FLT4: variants seen among roughly 807,000 people sequenced by gnomAD.
The protein encoded by FLT4 is vascular endothelial growth factor receptor 3.
In FLT4, 30 loss-of-function variants were observed where a neutral mutation model predicts 163.2. The observed-to-expected ratio is 0.18, with a 90% CI of 0.14 to 0.25. The LOEUF is 0.25. Ranked by LOEUF, FLT4 falls within the 10% of genes least tolerant of loss-of-function variation. The pLI, the probability that FLT4 is intolerant of heterozygous loss-of-function variation, is 1.00. For missense variants in FLT4, 1,510 were observed against 1,863.8 expected (o/e 0.81, Z 3.50); for synonymous variants, 884 against 789.5 (o/e 1.12, Z -2.01).
chr5:180,622,637 TG>T, intron 12 of FLT4, 93 bp downstream of exon 12: 1 of 771,398 alleles, frequency 1.3e-6, no homozygotes, highest in South Asian at 1.4e-5. Context: ...ATCTCTCTCC[TG>T]GGTGTCCCAA....
chr5:180,608,800 T>C (rs1761951875), intron 29 of FLT4, among the ~76,000 whole-genome samples, 168 bp downstream of exon 29: 1 of 152,070 alleles, frequency 6.6e-6, no homozygotes, highest in African/African-American at 2.4e-5. Flanking sequence ...CCCGCGGTGC[T>C]GTAGGTCAGG....
chr5:180,623,054 G>C lies in FLT4; in HGVS notation c.1549-215C>G, dbSNP rs1271092423. Among the ~76,000 whole-genome samples, 1 of 152,184 alleles carries C rather than the reference G, an allele frequency of 6.6e-6. No homozygotes were observed. The highest frequency in any genetic ancestry group is 1.5e-5 in the Non-Finnish European group (1 of 68,030). On this transcript the variant is annotated intron_variant, in intron 11 of 29. Coordinates refer to ENST00000261937, the MANE Select transcript of FLT4 (RefSeq NM_182925.5). This position sits in a 1 kb window ranked among gnomAD's most constrained non-coding sequence, Gnocchi z 5.8. ...CAGAGAGAGGTAGCTGCCCAGAAAA[G>C]TCAAGGGACAGTGTATGGACTGCTG...
intron 1 of FLT4, among the ~76,000 whole-genome samples, chr5:180,646,007 G>A (rs1765473746): frequency 6.6e-6 from 1 of 152,146 alleles, no homozygotes; most frequent in African/African-American, 2.4e-5. Context: ...TACGGCAGCA[G>A]GAGGGGAGTA....
chr5:180,616,551 C>T, intron 22 of FLT4, 62 bp from the exon 23 acceptor site: 1 of 1,597,596 alleles, frequency 6.3e-7, no homozygotes. Context: ...ATACCCACAC[C>T]CGAAACTCCA....
Position 180,642,207 on chromosome 5 carries a change from A to G in FLT4, c.58+7281T>C, listed in dbSNP as rs532715691. 5.1e-3 allele frequency among the ~76,000 whole-genome samples: 578 copies of G among 112,684 alleles called. 5 individuals carry two copies. Among genetic ancestry groups the G allele is most frequent in the Non-Finnish European group, 5.9e-3 (296 of 50,056 alleles). 73.9% of individuals were successfully genotyped at this position (112,684 alleles called of 152,430 possible). A position where few individuals can be genotyped will look rare whatever the true frequency, so the allele number is the denominator to read the frequency against. On this transcript the variant is annotated intron_variant, in intron 1 of 29. Coordinates refer to ENST00000261937, the MANE Select transcript of FLT4 (RefSeq NM_182925.5). ...GGGCGACAGAGTGAGACTCTGTGTG[A>G]AAAAAAAAAAAAAAAGAATAAGCTG...
intron 7 of FLT4, 126 bp from the exon 8 acceptor site, chr5:180,629,125 C>T (rs1763883150): frequency 1.5e-5 from 22 of 1,450,578 alleles, no homozygotes; most frequent in South Asian, 1.0e-4. Flanking sequence ...CCATGCCGCC[C>T]GGTGCAGGAG....
At chr5:180,648,832 G>T (rs570888858) in intron 1 of FLT4, among the ~76,000 whole-genome samples, 1 of 152,184 alleles carries the variant, frequency 6.6e-6, no homozygotes, top group East Asian at 1.9e-4. Flanking sequence ...CTCAAATCCG[G>T]GGACCCCTGG....
At position 180,618,930 on chromosome 5, in the gene FLT4, C is replaced by G. The variant is rs1762891221; in HGVS notation, c.2851-10G>C. On this transcript the variant is annotated splice_polypyrimidine_tract_variant and intron_variant, in intron 20 of 29. Coordinates refer to ENST00000261937, the MANE Select transcript of FLT4 (RefSeq NM_182925.5). ...GCTCGGGAGACTTCTCCTGCGGATGCACGAAGCTGGCTCGAGGGCGCCCAG... is the reference window on the plus strand; with the variant it reads ...GCTCGGGAGACTTCTCCTGCGGATGGACGAAGCTGGCTCGAGGGCGCCCAG... 2 of 1,581,112 alleles carry G rather than the reference C, an allele frequency of 1.3e-6. No homozygotes were observed. The highest frequency in any genetic ancestry group is 1.1e-5 in the South Asian group (1 of 86,992).
chr5:180,617,045 A>G, intron 21 of FLT4, 51 bp from the exon 22 acceptor site: 1 of 1,337,750 alleles, frequency 7.5e-7, no homozygotes, highest in Non-Finnish European at 1.1e-6. Flanking sequence ...CGCGGCCTCC[A>G]TCTACCCAGC....
chr5:180,632,823 G>A (rs1306714784), intron 1 of FLT4, among the ~76,000 whole-genome samples: 1 of 152,116 alleles, frequency 6.6e-6, no homozygotes. Flanking sequence ...GGTGTGGGTG[G>A]GAGCAGGCCC....
chr5:180,609,782 T>G (rs1762029716), intron 28 of FLT4, 123 bp downstream of exon 28: 14 of 1,235,126 alleles, frequency 1.1e-5, no homozygotes, highest in Non-Finnish European at 1.7e-5. Flanking sequence ...CACCCTGGAC[T>G]TGCACTTTCA....
intron 27 of FLT4, among the ~76,000 whole-genome samples, 196 bp downstream of exon 27, chr5:180,611,135 C>T (rs910332858): frequency 1.3e-5 from 2 of 152,218 alleles, no homozygotes; most frequent in African/African-American, 4.8e-5. Context: ...GACTCAAAAA[C>T]AAGCACGCAG....
chr5:180,606,826 A>T (rs1761811436), intron 29 of FLT4, among the ~76,000 whole-genome samples: 1 of 151,110 alleles, frequency 6.6e-6, no homozygotes, highest in African/African-American at 2.4e-5. Flanking sequence ...TGGGAGGCTG[A>T]GGGCAGATCA....
intron 12 of FLT4, among the ~76,000 whole-genome samples, chr5:180,622,258 C>T (rs943847535): frequency 1.2e-4 from 18 of 152,228 alleles, no homozygotes; most frequent in Non-Finnish European, 2.2e-4. Context: ...TTCTTTTGGG[C>T]TCCATCTCTC....
In FLT4 at chr5:180,623,844, G is replaced by A. The variant is rs1763369644; in HGVS notation, c.1548+91C>T. On this transcript the variant is annotated intron_variant, in intron 11 of 29. Coordinates refer to ENST00000261937, the MANE Select transcript of FLT4 (RefSeq NM_182925.5). The surrounding 1 kb of genome is among the most constrained non-coding windows in gnomAD (Gnocchi z 5.8). The stretch of plus-strand genomic sequence containing the variant: ...TCTCGGCTGCTCTGCCCAGCACTCT[G>A]GAAGCCAGGTGGAAACCACATGGCA... The A allele has an allele frequency of 1.3e-6, 2 of 1,546,904 alleles. No individual in the cohort carries two copies. Among genetic ancestry groups the A allele is most frequent in the Non-Finnish European group, 1.8e-6 (2 of 1,123,150 alleles).
At chr5:180,640,094 G>A (rs1375192112) in intron 1 of FLT4, among the ~76,000 whole-genome samples, 1 of 152,212 alleles carries the variant, frequency 6.6e-6, no homozygotes. Context: ...TGGCGGGCGT[G>A]GGAGCAGCAC....
chr5:180,618,403 C>T (rs1255676566), intron 21 of FLT4, among the ~76,000 whole-genome samples: 5 of 130,282 alleles, frequency 3.8e-5, no homozygotes, highest in Non-Finnish European at 8.5e-5. Context: ...TCTCCTGCTC[C>T]TCAGCCTCTG....
chr5:180,612,898 C>T (rs1762324022), intron 25 of FLT4, 113 bp downstream of exon 25: 1 of 791,094 alleles, frequency 1.3e-6, no homozygotes, highest in South Asian at 1.6e-5. Context: ...AGGGTGGTGC[C>T]CAGGCCTGTC....
intron 27 of FLT4, 70 bp downstream of exon 27, chr5:180,611,261 A>T: frequency 3.2e-6 from 5 of 1,563,684 alleles, no homozygotes; most frequent in Non-Finnish European, 4.4e-6. Flanking sequence ...CCGATGACGC[A>T]GAGGGATAAA....
Sources: gnomAD v4.1 joint callset for allele counts (sites outside exome capture counted in the v4.1 genomes callset) on GRCh38, gnomAD v4.1.1 for gene constraint, Gnocchi (gnomAD v3.1) non-coding constraint, MANE v1.5 for transcripts, NCBI Gene and HGNC (gene_info 2026-07-23, HGNC 2026-07-21) for gene names.